Variants in SRR observed in about 807,000 individuals in gnomAD.
SRR encodes D-serine ammonia-lyase.
SRR carries 19 observed loss-of-function variants against 32.7 expected under a neutral mutation model. The ratio of observed to expected loss-of-function variants is 0.58; its 90% CI spans 0.40 to 0.85. The LOEUF (loss-of-function observed/expected upper bound fraction) is 0.85, where lower values mean the gene tolerates loss of function less well. Among genes scored for constraint, SRR ranks in the 40% least tolerant of loss-of-function variants. SRR has a pLI of 0.00. For synonymous variants in SRR, 142 were observed against 140.9 expected, an observed-to-expected ratio of 1.01 and a Z score of -0.06; for missense variants, 373 against 404.7, an observed-to-expected ratio of 0.92 and a Z score of 0.67.
At chr17:2,320,161 A>G (rs2151435842) in intron 4 of SRR, among the ~76,000 whole-genome samples, 1 of 149,888 alleles carries the variant, frequency 6.7e-6, no homozygotes, top group African/African-American at 2.5e-5. Context: ...TTGGTTTCCC[A>G]TCTCATACAC....
At chr17:2,315,803 C>A in intron 2 of SRR, 75 bp downstream of exon 2, 1 of 1,391,286 alleles carries the variant, frequency 7.2e-7, no homozygotes, top group Non-Finnish European at 9.9e-7. Flanking sequence ...CTCCTGACCA[C>A]CCAATGAGAT....
In SRR at chr17:2,324,455, G is replaced by A. The variant is rs2075561769; in HGVS notation, c.*582G>A. 8.7e-6 allele frequency: 14 copies of A among 1,613,210 alleles called. No homozygotes were observed. The highest frequency in any genetic ancestry group is 7.6e-6 in the Non-Finnish European group (9 of 1,179,598). ...TGACTTCCAACCCAACAGTCATTTA[G>A]CAACACTGCAGAAATGCAGACATGG... On this transcript the variant is annotated 3_prime_UTR_variant, in exon 8 of 8. Transcript: ENST00000344595.
chr17:2,321,752 G>A, intron 6 of SRR, 136 bp downstream of exon 6: 6 of 709,588 alleles, frequency 8.5e-6, no homozygotes, highest in Non-Finnish European at 1.5e-5. Context: ...TGAGATGAAG[G>A]CCCATCTCTG....
chr17:2,304,389 T>C (rs2075363507), intron 1 of SRR, among the ~76,000 whole-genome samples: 2 of 150,056 alleles, frequency 1.3e-5, no homozygotes, highest in South Asian at 4.3e-4. Flanking sequence ...GTAGCTGGGA[T>C]TACAGGTGCA....
chr17:2,321,860 C>A (rs2075531798), intron 6 of SRR, among the ~76,000 whole-genome samples: 1 of 152,218 alleles, frequency 6.6e-6, no homozygotes, highest in Non-Finnish European at 1.5e-5. Context: ...CCACTGCAGC[C>A]TCCACCTCCC....
intron 1 of SRR, among the ~76,000 whole-genome samples, chr17:2,308,249 A>G (rs2075407781): frequency 6.6e-6 from 1 of 152,192 alleles, no homozygotes; most frequent in East Asian, 1.9e-4. Flanking sequence ...AAAATTAGTA[A>G]GCTAAGCATT....
chr17:2,303,838 C>T, upstream of SRR: 3 of 825,348 alleles, frequency 3.6e-6, no homozygotes, highest in Non-Finnish European at 5.4e-6. Flanking sequence ...CGCCCCCTGC[C>T]GCCCTCCCTT....
At chr17:2,306,793 C>T in intron 1 of SRR, 1 of 712,238 alleles carries the variant, frequency 1.4e-6, no homozygotes, top group South Asian at 1.5e-5. Flanking sequence ...AGAGCTCGTA[C>T]AGCTGAAGAA....
Position 2,321,387 on chromosome 17 carries a change from G to A in SRR, c.481G>A (p.Ala161Thr). The stretch of plus-strand genomic sequence containing the variant: ...TCCCAACCAGGAGCCTGCAGTGATA[G>A]CTGGACAAGGGACAATTGCCCTGGA... ...VHPNQEPAVIAGQGTIALEVL... is the reference protein window; with the variant it reads ...VHPNQEPAVITGQGTIALEVL... The change falls in exon 5 of 8, where the codon GCT becomes ACT. Residue 161 changes from alanine (A) to threonine (T), a missense_variant. Physicochemically the swap from Ala to Thr is moderately conservative, Grantham distance 58. Transcript: ENST00000344595. The A allele has an allele frequency of 6.2e-7, 1 of 1,612,570 alleles. No homozygotes were observed. The highest frequency in any genetic ancestry group is 8.5e-7 in the Non-Finnish European group (1 of 1,179,564).
intron 2 of SRR, 111 bp from the exon 3 acceptor site, chr17:2,317,759 T>C (rs1266798676): frequency 1.7e-6 from 2 of 1,159,652 alleles, no homozygotes; most frequent in Non-Finnish European, 2.5e-6. Context: ...ATCGATAAGA[T>C]TTGGTGACAG....
In SRR at chr17:2,323,973, G is replaced by C. The variant is rs1256359182; in HGVS notation, c.*100G>C. On this transcript the variant is annotated 3_prime_UTR_variant, in exon 8 of 8. Coordinates refer to ENST00000344595, the MANE Select transcript of SRR (RefSeq NM_021947.3). ...TCTTAGTTATCAGATTCTTAATGGA[G>C]AGTGGCTATTTCATTAAGATTTAAT... 4.2e-6 allele frequency: 5 copies of C among 1,198,360 alleles called. No homozygotes were observed. The Admixed American group carries it at 7.3e-5, about 17-fold the overall frequency. 74.2% of individuals were successfully genotyped at this position (1,198,360 alleles called of 1,614,324 possible). A position where few individuals can be genotyped will look rare whatever the true frequency, so the allele number is the denominator to read the frequency against.
At chr17:2,320,313 C>T (rs541565982) in intron 4 of SRR, among the ~76,000 whole-genome samples, 8 of 124,120 alleles carry the variant, frequency 6.4e-5, no homozygotes, top group Middle Eastern at 6.3e-3. Flanking sequence ...TGGAGTGCAG[C>T]GGCACAATCT....
At chr17:2,320,416 C>T (rs911880001) in intron 4 of SRR, among the ~76,000 whole-genome samples, 7 of 143,782 alleles carry the variant, frequency 4.9e-5, no homozygotes, top group African/African-American at 1.3e-4. Context: ...CCACCATGCC[C>T]AGCTAATTTT....
rs996860717 is a variant in SRR, at chr17:2,324,992, T to A, written c.*1119T>A. 4.1e-6 allele frequency: 3 copies of A among 730,554 alleles called. No homozygotes were observed. In the African/African-American group the frequency reaches 5.3e-5, roughly 13 times the overall value. The allele number at this position is 730,554 out of a possible 1,614,324, so 45.3% of individuals were successfully genotyped here. ...AACTGTAAGCCCACACTTAACCTTG[T>A]CAATAGGTTCTTGAAAACTTGTACT... On this transcript the variant is annotated 3_prime_UTR_variant, in exon 8 of 8. Transcript: ENST00000344595.
At chr17:2,303,734 G>A (rs766541175), upstream of SRR, 46 of 1,489,388 alleles carry the variant, frequency 3.1e-5, no homozygotes, top group Admixed American at 3.4e-4. Context: ...CGCGGCTGCT[G>A]CTACAGCCGT....
Position 2,325,158 on chromosome 17 carries a change from C to T in SRR, c.*1285C>T. On this transcript the variant is annotated 3_prime_UTR_variant, in exon 8 of 8. Coordinates refer to ENST00000344595, the MANE Select transcript of SRR (RefSeq NM_021947.3). ...GTTGGAGTTTTCATTGTTCTATTAA[C>T]AATGTTAAATGAAGACTTACTGTAT... 1 of 671,886 alleles carries T rather than the reference C, an allele frequency of 1.5e-6. No homozygotes were observed. The highest frequency in any genetic ancestry group is 2.1e-5 in the South Asian group (1 of 47,524). 41.6% of individuals were successfully genotyped at this position (671,886 alleles called of 1,614,324 possible). A position where few individuals can be genotyped will look rare whatever the true frequency, so the allele number is the denominator to read the frequency against.
intron 1 of SRR, chr17:2,306,947 C>G: frequency 1.7e-6 from 2 of 1,142,864 alleles, no homozygotes; most frequent in Non-Finnish European, 2.6e-6. Context: ...GCCACATATG[C>G]CACTGAGGAG....
intron 1 of SRR, among the ~76,000 whole-genome samples, chr17:2,308,922 C>T (rs372588350): frequency 2.6e-4 from 40 of 151,906 alleles, no homozygotes; most frequent in African/African-American, 9.2e-4. Flanking sequence ...AGTTCGAGAC[C>T]AGCCTGACCA....
intron 1 of SRR, chr17:2,307,635 C>T (rs961423646): frequency 4.2e-6 from 4 of 944,972 alleles, no homozygotes; most frequent in Non-Finnish European, 1.7e-6. Context: ...TGGTGCAGGC[C>T]AATACTTTAC....
Sources: allele counts gnomAD v4.1 joint callset (sites outside exome capture counted in the v4.1 genomes callset), GRCh38; gene constraint gnomAD v4.1.1; transcripts MANE v1.5; gene names NCBI Gene and HGNC (gene_info 2026-07-23, HGNC 2026-07-21).